ANKHD1: variants seen among roughly 807,000 people sequenced by gnomAD.
The protein encoded by ANKHD1 is ankyrin repeat and KH domain-containing protein 1.
Under a neutral mutation model 230.5 loss-of-function variants are expected in ANKHD1, and 31 were observed. The observed-to-expected ratio is 0.13, with a 90% CI of 0.10 to 0.18. ANKHD1 has a LOEUF of 0.18. Among genes scored for constraint, ANKHD1 ranks in the 10% least tolerant of loss-of-function variants. ANKHD1 has a pLI of 1.00. For missense variants in ANKHD1, 2,256 were observed against 3,071.3 expected (o/e 0.73, Z 6.27); for synonymous variants, 1,074 against 1,117.6 (o/e 0.96, Z 0.78).
At chr5:140,459,464 C>A in intron 9 of ANKHD1, 109 bp downstream of exon 9, 1 of 1,331,758 alleles carries the variant, frequency 7.5e-7, no homozygotes, top group South Asian at 2.2e-5. Context: ...ATGGTGGTTA[C>A]CAGAGTGTGG....
At chr5:140,457,418 G>A (rs1009439965) in intron 7 of ANKHD1, among the ~76,000 whole-genome samples, 14 of 152,100 alleles carry the variant, frequency 9.2e-5, no homozygotes, top group Non-Finnish European at 1.8e-4. Flanking sequence ...TGTTTATTGC[G>A]GCACTATTCA....
At chr5:140,407,042 AT>A (rs1370456143) in intron 1 of ANKHD1, among the ~76,000 whole-genome samples, 1 of 151,516 alleles carries the variant, frequency 6.6e-6, no homozygotes, top group African/African-American at 2.4e-5. Context: ...AACGCCTGTA[AT>A]CCCAGCACTT....
At chr5:140,441,264 G>A (rs560097963) in intron 5 of ANKHD1, 122 bp downstream of exon 5, 52 of 1,274,720 alleles carry the variant, frequency 4.1e-5, no homozygotes, top group Non-Finnish European at 4.9e-5. Flanking sequence ...TAGCCCTTGT[G>A]TAGAATCTTT....
chr5:140,417,859 C>G (rs1408925165), intron 1 of ANKHD1, among the ~76,000 whole-genome samples: 2 of 110,128 alleles, frequency 1.8e-5, no homozygotes, highest in Admixed American at 2.4e-4. Context: ...TTTTTTGAGA[C>G]AGAGTCTCGC....
At chr5:140,513,566 C>T (rs1483405583) in intron 24 of ANKHD1, 87 bp downstream of exon 24, 2 of 1,359,196 alleles carry the variant, frequency 1.5e-6, no homozygotes, top group Non-Finnish European at 2.0e-6. Flanking sequence ...CCCAGCACTT[C>T]AGAAGGCCAA....
At chr5:140,478,754 C>T (rs1170010355) in intron 10 of ANKHD1, among the ~76,000 whole-genome samples, 2 of 152,018 alleles carry the variant, frequency 1.3e-5, no homozygotes, top group East Asian at 1.9e-4. Context: ...AAGCGATTCT[C>T]CTGCCTCAGC....
chr5:140,494,243 CAG>C (rs1751931043), intron 14 of ANKHD1, among the ~76,000 whole-genome samples: 1 of 152,136 alleles, frequency 6.6e-6, no homozygotes, highest in Admixed American at 6.5e-5. Context: ...TAAATCAAAA[CAG>C]GGACTCCTAT....
intron 1 of ANKHD1, among the ~76,000 whole-genome samples, chr5:140,410,988 C>T (rs988231224): frequency 5.3e-5 from 8 of 151,652 alleles, no homozygotes; most frequent in African/African-American, 2.0e-4. Flanking sequence ...ATTTAGAGCC[C>T]ATACTGTTAT....
intron 10 of ANKHD1, among the ~76,000 whole-genome samples, 173 bp from the exon 11 acceptor site, chr5:140,482,407 C>T (rs1006057101): frequency 6.6e-6 from 1 of 152,116 alleles, no homozygotes; most frequent in African/African-American, 2.4e-5. Flanking sequence ...GTTACATTAT[C>T]TACTTTGGAC....
At position 140,504,927 on chromosome 5, in the gene ANKHD1, G is replaced by A. The variant is rs1160390918; in HGVS notation, c.3111G>A (p.Ser1037=). ...SQTTSNVASQ[S]MPPVYPSVDI... is the part of the protein sequence containing the mutation. ...CTACAAGCAATGTGGCTTCCCAATC[G>A]ATGCCTCCTGTGTATCCTTCAGTTG... is the stretch of plus-strand genomic sequence containing the variant. The change falls in exon 16 of 34, where the codon TCG becomes TCA. Residue 1037 remains serine (S), a synonymous_variant. Transcript: ENST00000360839. 4.3e-6 allele frequency: 7 copies of A among 1,614,124 alleles called. No homozygotes were observed. Among genetic ancestry groups the A allele is most frequent in the East Asian group, 4.5e-5 (2 of 44,878 alleles).
intron 24 of ANKHD1, among the ~76,000 whole-genome samples, chr5:140,521,703 G>T (rs140267813): frequency 6.6e-6 from 1 of 151,210 alleles, no homozygotes; most frequent in East Asian, 2.0e-4. Flanking sequence ...TTCACAGTTG[G>T]GCACAGTGGC....
rs756184772 is a variant in ANKHD1 at position 140,436,122 on chromosome 5, G to A, written c.325G>A (p.Asp109Asn). 7.7e-6 allele frequency: 12 copies of A among 1,566,356 alleles called. No homozygotes were observed. Among genetic ancestry groups the A allele is most frequent in the Non-Finnish European group, 6.9e-6 (8 of 1,160,574 alleles). The change falls in exon 2 of 34, where the codon GAC becomes AAC. Residue 109 changes from aspartate to asparagine, a missense_variant. Asp to Asn is a conservative substitution (Grantham distance 23). This residue lies in a region of ANKHD1 where 193 missense variants were observed against 185.8 expected (regional missense o/e 1.04). Coordinates refer to ENST00000360839, the MANE Select transcript of ANKHD1 (RefSeq NM_017747.3). ...EVSEVESFIL[D>N]QEDLDNPVLK... ...TTAACAGGTTGAATCATTTATTTTGGACCAAGAAGATCTGGATAACCCAGT... is the reference window on the plus strand; with the variant it reads ...TTAACAGGTTGAATCATTTATTTTGAACCAAGAAGATCTGGATAACCCAGT...
At chr5:140,453,246 C>G (rs1774893100) in intron 7 of ANKHD1, among the ~76,000 whole-genome samples, 3 of 152,256 alleles carry the variant, frequency 2.0e-5, no homozygotes, top group East Asian at 3.9e-4. Flanking sequence ...ATTGGTGTAC[C>G]TGAAAGTGAC....
intron 24 of ANKHD1, among the ~76,000 whole-genome samples, chr5:140,521,743 G>A (rs567235758): frequency 1.3e-5 from 2 of 152,194 alleles, no homozygotes; most frequent in African/African-American, 4.8e-5. Flanking sequence ...ACTTTGGGAG[G>A]CTGAAGTGGG....
intron 15 of ANKHD1, among the ~76,000 whole-genome samples, chr5:140,502,580 C>A (rs1752354502): frequency 6.6e-6 from 1 of 151,912 alleles, no homozygotes; most frequent in African/African-American, 2.4e-5. Flanking sequence ...TAGTTCTTTA[C>A]TAAAGTATAT....
rs1175190297 is a variant in ANKHD1, at chr5:140,507,458, C to T, written c.3552-327C>T. Among the ~76,000 whole-genome samples, 1 of 152,176 alleles carries T rather than the reference C, an allele frequency of 6.6e-6. No homozygotes were observed. The highest frequency in any genetic ancestry group is 2.4e-5 in the African/African-American group (1 of 41,454). ...AGGTAGCTGGGATTACAGGCATGCG[C>T]CACCACACCCAGCTAATTTTGTATT... On this transcript the variant is annotated intron_variant, in intron 19 of 33. Coordinates refer to ENST00000360839, the MANE Select transcript of ANKHD1 (RefSeq NM_017747.3). This position sits in a 1 kb window ranked among gnomAD's most constrained non-coding sequence, Gnocchi z 4.1.
chr5:140,422,279 C>T (rs917877654), intron 1 of ANKHD1, among the ~76,000 whole-genome samples: 2 of 151,972 alleles, frequency 1.3e-5, no homozygotes, highest in Non-Finnish European at 2.9e-5. Flanking sequence ...CCCACCACCA[C>T]GCCCGGCTAA....
intron 15 of ANKHD1, among the ~76,000 whole-genome samples, chr5:140,503,487 T>C (rs533923175): frequency 2.0e-4 from 30 of 150,498 alleles, no homozygotes; most frequent in Non-Finnish European, 4.1e-4. Context: ...AAACTCCATC[T>C]CTTAAGAAAC....
intron 1 of ANKHD1, among the ~76,000 whole-genome samples, chr5:140,416,008 A>G (rs991322124): frequency 2.2e-4 from 33 of 152,148 alleles, no homozygotes; most frequent in Non-Finnish European, 2.6e-4. Context: ...TCATTGTTCA[A>G]TTCCCACCTA....
Sources: gnomAD v4.1 joint callset for allele counts (sites outside exome capture counted in the v4.1 genomes callset) on GRCh38, gnomAD v4.1.1 for gene constraint, gnomAD v4.1.1 regional missense constraint, Gnocchi (gnomAD v3.1) non-coding constraint, MANE v1.5 for transcripts, NCBI Gene and HGNC (gene_info 2026-07-23, HGNC 2026-07-21) for gene names.